Variants in GASK1B observed in about 807,000 individuals in gnomAD.
The protein encoded by GASK1B is golgi associated kinase 1B.
GASK1B carries 34 observed loss-of-function variants against 42.8 expected under a neutral mutation model. That is an observed-to-expected ratio of 0.79 (90% confidence interval 0.60 to 1.06). The LOEUF (loss-of-function observed/expected upper bound fraction) is 1.06, where lower values mean the gene tolerates loss of function less well. GASK1B is among the 50% of genes least tolerant of loss of function. GASK1B has a pLI of 0.00. For missense variants in GASK1B, 686 were observed against 661.0 expected (o/e 1.04, Z -0.42); for synonymous variants, 262 against 259.1 (o/e 1.01, Z -0.11).
At chr4:158,148,950 T>C (rs4391084) in intron 3 of GASK1B, among the ~76,000 whole-genome samples, 140,295 of 152,228 alleles carry the variant, frequency 0.92, 64,975 homozygotes, top group East Asian at 0.98. Flanking sequence ...TTTGGAGAAA[T>C]ATCTCTCTTC....
At chr4:158,165,217 C>T (rs940124992) in intron 2 of GASK1B, among the ~76,000 whole-genome samples, 1 of 152,210 alleles carries the variant, frequency 6.6e-6, no homozygotes, top group Non-Finnish European at 1.5e-5. Context: ...GAAGCTCTGG[C>T]AAAGCTGCTA....
Position 158,126,523 on chromosome 4 carries a change from C to T in GASK1B, c.*884G>A, listed in dbSNP as rs1275637794. Reference sequence around the variant, plus strand: ...CATAGAACAAATTTTAAGGAATTCACTATTATTAATAAAATATACATAAAT... The same window carrying T: ...CATAGAACAAATTTTAAGGAATTCATTATTATTAATAAAATATACATAAAT... On this transcript the variant is annotated 3_prime_UTR_variant, in exon 5 of 5. Transcript: ENST00000585682. 1 of 151,898 alleles carries T rather than the reference C, an allele frequency of 6.6e-6. No homozygotes were observed. The highest frequency in any genetic ancestry group is 1.5e-5 in the Non-Finnish European group (1 of 67,954). 9.4% of individuals were successfully genotyped at this position (151,898 alleles called of 1,614,324 possible).
intron 3 of GASK1B, among the ~76,000 whole-genome samples, chr4:158,134,009 C>G (rs1307089219): frequency 6.6e-6 from 1 of 152,142 alleles, no homozygotes. Context: ...TCCTTATGCT[C>G]CAACTATAGT....
At position 158,127,323 on chromosome 4, in the gene GASK1B, G is replaced by A. The variant is rs537536723; in HGVS notation, c.*84C>T. ...CATCTACACTGCCTCATTGCTAAAC[G>A]GGCTTGAGGTTGATGTGCTTGATTT... On this transcript the variant is annotated 3_prime_UTR_variant, in exon 5 of 5. Coordinates refer to ENST00000585682, the MANE Select transcript of GASK1B (RefSeq NM_001128424.2). 4.6e-5 allele frequency: 52 copies of A among 1,121,916 alleles called. No individual in the cohort carries two copies. The South Asian group carries it at 5.4e-4, about 12-fold the overall frequency. 69.5% of individuals were successfully genotyped at this position (1,121,916 alleles called of 1,614,324 possible). A position where few individuals can be genotyped will look rare whatever the true frequency, so the allele number is the denominator to read the frequency against.
At chr4:158,153,456 T>C (rs1295586189) in intron 3 of GASK1B, among the ~76,000 whole-genome samples, 1 of 151,988 alleles carries the variant, frequency 6.6e-6, no homozygotes, top group African/African-American at 2.4e-5. Flanking sequence ...TTCAATGCAA[T>C]TCCCATCAAA....
At chr4:158,159,291 T>G (rs1206438578) in intron 2 of GASK1B, among the ~76,000 whole-genome samples, 1 of 152,166 alleles carries the variant, frequency 6.6e-6, no homozygotes, top group Non-Finnish European at 1.5e-5. Flanking sequence ...CTGTGGTTCC[T>G]TTCCACATAC....
chr4:158,131,610 A>G (rs1730686306), intron 3 of GASK1B, among the ~76,000 whole-genome samples: 1 of 152,206 alleles, frequency 6.6e-6, no homozygotes, highest in African/African-American at 2.4e-5. Flanking sequence ...GGGCCTACTG[A>G]AGTTTATTAT....
chr4:158,164,179 C>T (rs780454057), intron 2 of GASK1B, among the ~76,000 whole-genome samples: 1 of 152,202 alleles, frequency 6.6e-6, no homozygotes, highest in East Asian at 1.9e-4. Flanking sequence ...GTTTTGTTCA[C>T]TGATGCAGCC....
intron 3 of GASK1B, among the ~76,000 whole-genome samples, chr4:158,139,581 C>T (rs929864716): frequency 1.3e-5 from 2 of 152,086 alleles, no homozygotes; most frequent in African/African-American, 4.8e-5. Context: ...TTCTTTGACA[C>T]TCTTAAAAAT....
At chr4:158,132,943 A>G (rs761429208) in intron 3 of GASK1B, among the ~76,000 whole-genome samples, 4 of 152,232 alleles carry the variant, frequency 2.6e-5, no homozygotes, top group Non-Finnish European at 5.9e-5. Context: ...CCCAAAGGTG[A>G]GCAAGAGTGC....
chr4:158,170,071 C>G, intron 2 of GASK1B: 1 of 668,464 alleles, frequency 1.5e-6, no homozygotes, highest in Non-Finnish European at 2.5e-6. Flanking sequence ...AAAACTTCTA[C>G]TTCCTCCCAT....
At chr4:158,159,690 T>C (rs1431473060) in intron 2 of GASK1B, 1 of 172,440 alleles carries the variant, frequency 5.8e-6, no homozygotes, top group African/African-American at 2.4e-5. Flanking sequence ...TTAAAGGTTA[T>C]ATAGCTGTCC....
chr4:158,159,481 C>T (rs763626463), intron 2 of GASK1B: 5 of 431,678 alleles, frequency 1.2e-5, no homozygotes, highest in Middle Eastern at 3.4e-4. Context: ...AGAAAAATTG[C>T]CTCTGAAAAC....
intron 4 of GASK1B, among the ~76,000 whole-genome samples, chr4:158,129,276 T>G (rs1489046664): frequency 6.6e-6 from 1 of 152,218 alleles, no homozygotes. Context: ...GCACTCCTAA[T>G]TCTAAGAGGG....
At position 158,171,210 on chromosome 4, in the gene GASK1B, C is replaced by T. The variant is rs759377329; in HGVS notation, c.166G>A (p.Gly56Arg). Residue 56 changes from glycine (G) to arginine (R), a missense_variant, in exon 2 of 5, where the codon GGG (glycine) becomes AGG (arginine). Gly to Arg is a moderately radical substitution (Grantham distance 125). Coordinates refer to ENST00000585682, the MANE Select transcript of GASK1B (RefSeq NM_001128424.2). ...TGTCCATGCTGGAGAGAGGCCCTCC[C>T]CACCTGGCTCACCAGGAAGCCCAAG... ...IYLGFLVSQV[G>R]RASLQHGQAA... 1 of 1,613,980 alleles carries T rather than the reference C, an allele frequency of 6.2e-7. No homozygotes were observed. Among genetic ancestry groups the T allele is most frequent in the East Asian group, 2.2e-5 (1 of 44,842 alleles).
Position 158,171,417 on chromosome 4 carries a change from C to T in GASK1B, c.-42G>A. 2 of 1,512,184 alleles carry T rather than the reference C, an allele frequency of 1.3e-6. No homozygotes were observed. Among genetic ancestry groups the T allele is most frequent in the Non-Finnish European group, 1.8e-6 (2 of 1,128,710 alleles). The allele number at this position is 1,512,184 out of a possible 1,614,324, so 93.7% of individuals were successfully genotyped here. The stretch of plus-strand genomic sequence containing the variant: ...CATGTTGAACGGAGTTTAAAGTCTG[C>T]AGTTGGCTCCTGCTAATGTGATGCA... On this transcript the variant is annotated 5_prime_UTR_variant, in exon 2 of 5. Transcript: ENST00000585682.
intron 3 of GASK1B, 27 bp from the exon 4 acceptor site, chr4:158,131,039 G>A (rs1183177834): frequency 6.3e-7 from 1 of 1,582,462 alleles, no homozygotes; most frequent in Admixed American, 1.7e-5. Flanking sequence ...CAAAATCCAA[G>A]ATGCTGAGTG....
At chr4:158,172,122 A>G (rs532780322) in intron 1 of GASK1B, 19 of 152,266 alleles carry the variant, frequency 1.2e-4, no homozygotes, top group African/African-American at 4.3e-4. Flanking sequence ...ATAAATGTCC[A>G]TATATCTTGG....
intron 4 of GASK1B, 51 bp from the exon 5 acceptor site, chr4:158,127,665 C>A (rs770662924): frequency 6.7e-7 from 1 of 1,488,436 alleles, no homozygotes; most frequent in South Asian, 1.2e-5. Flanking sequence ...GGGAATAGTA[C>A]TCCTTACCCA....
Sources: gnomAD v4.1 joint callset for allele counts (sites outside exome capture counted in the v4.1 genomes callset) on GRCh38, gnomAD v4.1.1 for gene constraint, MANE v1.5 for transcripts, NCBI Gene and HGNC (gene_info 2026-07-23, HGNC 2026-07-21) for gene names.